Variants in MILR1 observed in about 807,000 individuals in gnomAD.
MILR1 encodes allergin-1.
MILR1 carries 31 observed loss-of-function variants against 18.5 expected under a neutral mutation model. The ratio of observed to expected loss-of-function variants is 1.68; its 90% CI spans 1.26 to 2.26. The LOEUF (loss-of-function observed/expected upper bound fraction) is 2.26, where lower values mean the gene tolerates loss of function less well. MILR1 is among the 30% of genes most tolerant of loss of function. The pLI is 0.00. For missense variants in MILR1, 257 were observed against 157.4 expected (o/e 1.63, Z -3.38); for synonymous variants, 85 against 56.2 (o/e 1.51, Z -2.30).
At chr17:64,489,085 G>T in the MILR1 span, among the ~76,000 whole-genome samples, 184 of 147,020 alleles carry the variant, frequency 1.3e-3, no homozygotes, top group African/African-American at 4.5e-3. Context: ...GAGTGCAGCA[G>T]CACAGTCTTG....
the MILR1 span, among the ~76,000 whole-genome samples, chr17:64,475,242 G>C: frequency 3.3e-5 from 5 of 151,626 alleles, no homozygotes; most frequent in African/African-American, 1.2e-4. Context: ...CCAAAGATGG[G>C]ACAATTTGAG....
At chr17:64,464,928 AAAT>A (rs1235860504) in intron 5 of MILR1, among the ~76,000 whole-genome samples, 1 of 151,698 alleles carries the variant, frequency 6.6e-6, no homozygotes, top group African/African-American at 2.4e-5. Context: ...CGTCTCAAAA[AAAT>A]ACAAAAATTA....
chr17:64,496,931 A>T, the MILR1 span: 2 of 1,610,864 alleles, frequency 1.2e-6, no homozygotes, highest in Non-Finnish European at 1.7e-6. Flanking sequence ...GCACCTGCAG[A>T]CCTTATGGCA....
the MILR1 span, among the ~76,000 whole-genome samples, chr17:64,475,111 G>A: frequency 6.6e-5 from 10 of 151,376 alleles, no homozygotes; most frequent in Admixed American, 4.0e-4. Context: ...GCTTTAACCC[G>A]GGAGGCAGAG....
the MILR1 span, chr17:64,491,677 T>C: frequency 8.1e-7 from 1 of 1,227,972 alleles, no homozygotes; most frequent in Non-Finnish European, 1.2e-6. Flanking sequence ...TACATCAACG[T>C]GAAGAAGGGG....
the MILR1 span, among the ~76,000 whole-genome samples, chr17:64,475,335 A>C: frequency 2.6e-5 from 4 of 152,088 alleles, no homozygotes; most frequent in Admixed American, 1.3e-4. Flanking sequence ...ACTCGGTGAG[A>C]AGCTTTTCTT....
the MILR1 span, chr17:64,497,009 CG>C: frequency 6.4e-7 from 1 of 1,560,244 alleles, no homozygotes; most frequent in Admixed American, 1.7e-5. Flanking sequence ...CATCACTCAA[CG>C]GATCCCAACA....
At chr17:64,462,271 C>A (rs1255115094) in intron 5 of MILR1, among the ~76,000 whole-genome samples, 4 of 152,096 alleles carry the variant, frequency 2.6e-5, no homozygotes, top group Non-Finnish European at 4.4e-5. Context: ...CTCAAACAAT[C>A]CTCCCACCTC....
chr17:64,495,910 T>G, the MILR1 span, among the ~76,000 whole-genome samples: 1 of 152,152 alleles, frequency 6.6e-6, no homozygotes, highest in Non-Finnish European at 1.5e-5. Flanking sequence ...GGTTTCACCA[T>G]GTTGGCCAGG....
chr17:64,490,463 C>T, the MILR1 span: 1 of 339,432 alleles, frequency 2.9e-6, no homozygotes. Context: ...CTGTACTCTT[C>T]AAAAATGTCA....
At chr17:64,495,356 G>C in the MILR1 span, among the ~76,000 whole-genome samples, 3 of 152,130 alleles carry the variant, frequency 2.0e-5, no homozygotes, top group African/African-American at 7.2e-5. Flanking sequence ...AAGATGGGCG[G>C]ATTGCTTAAG....
intron 4 of MILR1, 31 bp from the exon 5 acceptor site, chr17:64,460,791 A>G (rs1445254079): frequency 1.5e-5 from 7 of 473,608 alleles, no homozygotes; most frequent in African/African-American, 4.0e-5. Context: ...AGAAAATGCT[A>G]TGGTCACCAA....
At chr17:64,496,794 C>T in the MILR1 span, 18 of 1,613,862 alleles carry the variant, frequency 1.1e-5, no homozygotes, top group East Asian at 3.6e-4. Context: ...GACCCGGGGG[C>T]TTCTGGGTGC....
the MILR1 span, among the ~76,000 whole-genome samples, chr17:64,491,232 C>T: frequency 2.0e-5 from 3 of 152,146 alleles, no homozygotes; most frequent in African/African-American, 7.2e-5. Flanking sequence ...CTGCTGGCCT[C>T]AAGCAATCCT....
At chr17:64,470,980 T>C (rs781924265), downstream of MILR1, among the ~76,000 whole-genome samples, 6 of 152,120 alleles carry the variant, frequency 3.9e-5, no homozygotes, top group Non-Finnish European at 7.4e-5. Context: ...GTCTTAGGAA[T>C]TGTGGAGCTG....
the MILR1 span, chr17:64,496,685 C>T: frequency 1.2e-6 from 2 of 1,613,950 alleles, no homozygotes; most frequent in African/African-American, 2.7e-5. Flanking sequence ...GCCGGGGTGG[C>T]ACCCACTCAG....
At chr17:64,465,598 G>A (rs2037537425) in intron 6 of MILR1, 57 bp downstream of exon 6, 1 of 1,543,582 alleles carries the variant, frequency 6.5e-7, no homozygotes. Context: ...TTTTTATTTT[G>A]TTAAGGTTGT....
the MILR1 span, among the ~76,000 whole-genome samples, chr17:64,488,520 T>C: frequency 6.6e-6 from 1 of 151,604 alleles, no homozygotes; most frequent in African/African-American, 2.4e-5. Flanking sequence ...CTGGGCAACA[T>C]AGCGAGACCC....
At chr17:64,487,255 T>C in the MILR1 span, 1 of 152,204 alleles carries the variant, frequency 6.6e-6, no homozygotes, top group Non-Finnish European at 1.5e-5. Context: ...CAGTAAACTT[T>C]CTGATACCTG....
Sources: gnomAD v4.1 joint callset for allele counts (sites outside exome capture counted in the v4.1 genomes callset) on GRCh38, gnomAD v4.1.1 for gene constraint, MANE v1.5 for transcripts, NCBI Gene and HGNC (gene_info 2026-07-23, HGNC 2026-07-21) for gene names.